Variants in ATP2C2 observed in about 807,000 individuals in gnomAD.
The protein encoded by ATP2C2 is calcium-transporting ATPase type 2C member 2.
In ATP2C2, 171 loss-of-function variants were observed where a neutral mutation model predicts 110.8. The observed-to-expected ratio is 1.54, with a 90% CI of 1.36 to 1.75. The LOEUF (loss-of-function observed/expected upper bound fraction) is 1.75, where lower values mean the gene tolerates loss of function less well. ATP2C2 is among the 40% of genes most tolerant of loss of function. The pLI is 0.00. For missense variants in ATP2C2, 1,963 were observed against 1,235.0 expected (o/e 1.59, Z -8.84); for synonymous variants, 804 against 508.4 (o/e 1.58, Z -7.82).
chr16:84,408,589 C>T, intron 4 of ATP2C2, 95 bp downstream of exon 4: 2 of 968,368 alleles, frequency 2.1e-6, no homozygotes, highest in Non-Finnish European at 3.1e-6. Context: ...AAAGAGTTTG[C>T]TGTAGGGGGG....
intron 1 of ATP2C2, among the ~76,000 whole-genome samples, chr16:84,394,555 G>C (rs1904857577): frequency 6.6e-6 from 1 of 152,066 alleles, no homozygotes. Context: ...CCAAAAATGT[G>C]GTGGCTTAAA....
At chr16:84,455,393 C>T (rs2150588973) in intron 21 of ATP2C2, among the ~76,000 whole-genome samples, 1 of 152,242 alleles carries the variant, frequency 6.6e-6, no homozygotes. Context: ...TTAAAATGAA[C>T]ATCTTCCGTT....
chr16:84,447,843 AAT>A (rs398119576), intron 16 of ATP2C2, among the ~76,000 whole-genome samples: 7 of 117,440 alleles, frequency 6.0e-5, no homozygotes, highest in Non-Finnish European at 1.1e-4. Flanking sequence ...ATCTGTAATT[AAT>A]ATTATATTTA....
intron 4 of ATP2C2, among the ~76,000 whole-genome samples, chr16:84,410,322 C>G (rs1054412056): frequency 6.6e-6 from 1 of 151,918 alleles, no homozygotes; most frequent in African/African-American, 2.4e-5. Flanking sequence ...AGATGCGGTG[C>G]CTTAAGTGTG....
rs545179875 is a variant in ATP2C2 at position 84,408,036 on chromosome 16, G to C, written c.328-369G>C. On this transcript the variant is annotated intron_variant, in intron 3 of 26. Coordinates refer to ENST00000262429, the MANE Select transcript of ATP2C2 (RefSeq NM_014861.4). Reference sequence around the variant, plus strand: ...TGAGTTTGGTGACTGGGATGTGCAGGATTTGGGGAGCTGGTGTGGTGAGAG... The same window carrying C: ...TGAGTTTGGTGACTGGGATGTGCAGCATTTGGGGAGCTGGTGTGGTGAGAG... Among the ~76,000 whole-genome samples, 114 of 152,360 alleles carry C rather than the reference G, an allele frequency of 7.5e-4. 1 individual carries two copies. Among genetic ancestry groups the C allele is most frequent in the African/African-American group, 2.4e-3 (101 of 41,588 alleles).
chr16:84,401,884 A>C (rs1260710300), intron 2 of ATP2C2, among the ~76,000 whole-genome samples: 1 of 152,086 alleles, frequency 6.6e-6, no homozygotes, highest in Non-Finnish European at 1.5e-5. Flanking sequence ...TTGTTATTTT[A>C]ATAGGGATTC....
At chr16:84,460,828 C>A (rs759717183) in intron 24 of ATP2C2, 27 bp downstream of exon 24, 1 of 1,594,962 alleles carries the variant, frequency 6.3e-7, no homozygotes, top group East Asian at 2.2e-5. Flanking sequence ...CCGGCCTGTT[C>A]TCCAAGCCCT....
At chr16:84,420,695 C>G (rs1247126414) in intron 7 of ATP2C2, among the ~76,000 whole-genome samples, 5 of 152,062 alleles carry the variant, frequency 3.3e-5, no homozygotes, top group Admixed American at 1.3e-4. Context: ...CCCTAATGTC[C>G]TTTTTCTGCT....
intron 1 of ATP2C2, among the ~76,000 whole-genome samples, 177 bp downstream of exon 1, chr16:84,368,891 G>A (rs1198179969): frequency 2.6e-5 from 4 of 152,212 alleles, no homozygotes; most frequent in African/African-American, 4.8e-5. Context: ...GCTCTGGCGC[G>A]GGGAGCTCAG....
At chr16:84,422,598 G>A (rs755330040) in intron 8 of ATP2C2, 31 bp from the exon 9 acceptor site, 1 of 1,611,370 alleles carries the variant, frequency 6.2e-7, no homozygotes, top group Non-Finnish European at 8.5e-7. Flanking sequence ...CCAGCCCTTA[G>A]ATTTCATACT....
Position 84,398,500 on chromosome 16 carries a change from TTGA to T in ATP2C2, c.105_107del (p.Asp35del). ...ACAGCAACCCTGCTCTTTTCACAGA[TTGA>T]TGAACAGAGTGAGCTGAAAGCCATC... On this transcript the variant is annotated inframe_deletion and splice_region_variant, in exon 2 of 27. Transcript: ENST00000262429. The T allele has an allele frequency of 6.2e-7, 1 of 1,605,640 alleles. No individual in the cohort carries two copies. The highest frequency in any genetic ancestry group is 8.5e-7 in the Non-Finnish European group (1 of 1,176,872).
intron 10 of ATP2C2, among the ~76,000 whole-genome samples, chr16:84,424,736 A>G (rs553209374): frequency 8.5e-5 from 13 of 152,232 alleles, no homozygotes; most frequent in African/African-American, 2.7e-4. Context: ...GCATTTGCCA[A>G]TTCCCATGGT....
At chr16:84,389,718 T>TA (rs1388492921) in intron 1 of ATP2C2, among the ~76,000 whole-genome samples, 8 of 116,222 alleles carry the variant, frequency 6.9e-5, no homozygotes, top group African/African-American at 2.5e-4. Flanking sequence ...TCTCACTGTT[T>TA]CCTTTTTTTT....
intron 14 of ATP2C2, 106 bp downstream of exon 14, chr16:84,441,064 G>C: frequency 1.0e-6 from 1 of 977,434 alleles, no homozygotes; most frequent in Non-Finnish European, 1.6e-6. Flanking sequence ...TCTTGACAAT[G>C]ACTGGCCCAT....
chr16:84,459,031 A>G, intron 21 of ATP2C2, 89 bp from the exon 22 acceptor site: 4 of 1,397,866 alleles, frequency 2.9e-6, no homozygotes, highest in Non-Finnish European at 4.0e-6. Flanking sequence ...AATCTGGGCG[A>G]GTCACCACTG....
rs770489882 is a variant in ATP2C2, at chr16:84,451,954, G to A, written c.1694G>A (p.Arg565Gln). ...CTGGCTTCTGGGCCCGAGCTGGGGC[G>A]GCTGACGTTTCTCGGTCTTGTGGGC... is the stretch of plus-strand genomic sequence containing the variant. ...LALASGPELGRLTFLGLVGII... is the reference protein window; with the variant it reads ...LALASGPELGQLTFLGLVGII... Residue 565 changes from arginine to glutamine, a missense_variant, in exon 18 of 27, where the codon CGG (arginine) becomes CAG (glutamine). Transcript: ENST00000262429. 4.0e-5 allele frequency: 65 copies of A among 1,613,924 alleles called. No individual in the cohort carries two copies. The highest frequency in any genetic ancestry group is 1.2e-4 in the Admixed American group (7 of 59,994).
rs1404472075 is a variant in ATP2C2 at position 84,368,666 on chromosome 16, C to A, written c.51C>A (p.Gly17=). ...TCCTGAAGAAACTCGGCTTCTCGGG[C>A]GGGGGCCGCCAGTACCAGGCGCTGG... ...SEFLKKLGFS[G]GGRQYQALEK... The change falls in exon 1 of 27, where the codon GGC becomes GGA. Residue 17 remains glycine (G), a synonymous_variant. Transcript: ENST00000262429. 6 of 1,564,396 alleles carry A rather than the reference C, an allele frequency of 3.8e-6. No individual in the cohort carries two copies. In the South Asian group the frequency reaches 4.6e-5, roughly 12 times the overall value.
chr16:84,461,513 C>T, intron 24 of ATP2C2: 1 of 627,358 alleles, frequency 1.6e-6, no homozygotes, highest in Admixed American at 2.8e-5. Context: ...CTCATGGTGG[C>T]AGCAAATCAG....
At chr16:84,387,377 T>A (rs1904375328) in intron 1 of ATP2C2, among the ~76,000 whole-genome samples, 1 of 152,116 alleles carries the variant, frequency 6.6e-6, no homozygotes, top group Admixed American at 6.6e-5. Context: ...CCAGGCATGA[T>A]GGCAGGTGCC....
Sources: allele counts gnomAD v4.1 joint callset (sites outside exome capture counted in the v4.1 genomes callset), GRCh38; gene constraint gnomAD v4.1.1; transcripts MANE v1.5; gene names NCBI Gene and HGNC (gene_info 2026-07-23, HGNC 2026-07-21).